The following C14orf93 variants were observed in gnomAD, a reference collection of about 807,000 sequenced individuals.
C14orf93 encodes uncharacterized protein C14orf93.
C14orf93 carries 23 observed loss-of-function variants against 44.0 expected under a neutral mutation model. The observed-to-expected ratio is 0.52, with a 90% CI of 0.38 to 0.74. The LOEUF is 0.74. Among genes scored for constraint, C14orf93 ranks in the 30% least tolerant of loss-of-function variants. C14orf93 has a pLI of 0.00. For synonymous variants in C14orf93, 253 were observed against 265.7 expected, an observed-to-expected ratio of 0.95 and a Z score of 0.46; for missense variants, 579 against 678.9, an observed-to-expected ratio of 0.85 and a Z score of 1.64.
intron 3 of C14orf93, among the ~76,000 whole-genome samples, chr14:22,995,478 G>A (rs771727579): frequency 6.6e-6 from 1 of 152,074 alleles, no homozygotes; most frequent in Non-Finnish European, 1.5e-5. Context: ...TCAGGAGTTC[G>A]AGACCAGCCT....
chr14:23,009,000 C>G (rs2046764898), intron 1 of C14orf93, among the ~76,000 whole-genome samples: 1 of 152,190 alleles, frequency 6.6e-6, no homozygotes, highest in African/African-American at 2.4e-5. Context: ...GAAAGAACTT[C>G]CCTTCTGAAC....
Position 22,998,452 on chromosome 14 carries a change from C to A in C14orf93, c.572G>T (p.Ser191Ile). The change falls in exon 2 of 7, where the codon AGC becomes ATC. Residue 191 changes from serine to isoleucine, a missense_variant. Ser to Ile is a moderately radical substitution (Grantham distance 142). Coordinates refer to ENST00000299088, the MANE Select transcript of C14orf93 (RefSeq NM_021944.4). ...AGGATTGAGCAGGGGGGCCGCCTCG[C>A]TGGCAGCCAGCGTGCACCCTGGGAG... ...MRLPGCTLAA[S>I]EAAPLLNPLV... 2 of 1,585,704 alleles carry A rather than the reference C, an allele frequency of 1.3e-6. No homozygotes were observed. Among genetic ancestry groups the A allele is most frequent in the South Asian group, 2.3e-5 (2 of 88,320 alleles).
At chr14:23,004,502 C>G (rs1322528359) in intron 1 of C14orf93, among the ~76,000 whole-genome samples, 1 of 152,044 alleles carries the variant, frequency 6.6e-6, no homozygotes, top group Non-Finnish European at 1.5e-5. Context: ...GATGACTCAC[C>G]AAAATGCATT....
At chr14:23,009,188 A>G (rs953071947) in intron 1 of C14orf93, among the ~76,000 whole-genome samples, 3 of 152,224 alleles carry the variant, frequency 2.0e-5, no homozygotes, top group Admixed American at 6.5e-5. Flanking sequence ...GCAATTATTT[A>G]ATTATTCATT....
intron 1 of C14orf93, among the ~76,000 whole-genome samples, chr14:23,000,714 CAAAAAAAAAAAA>C (rs758471653): frequency 5.4e-5 from 3 of 55,072 alleles, no homozygotes; most frequent in Admixed American, 4.2e-4. Flanking sequence ...GACTCCACCT[CAAAAAAAAAAAA>C]AAAAAAAAAA....
At chr14:23,007,640 TTCTC>T (rs1183981610) in intron 1 of C14orf93, among the ~76,000 whole-genome samples, 2 of 152,202 alleles carry the variant, frequency 1.3e-5, no homozygotes, top group African/African-American at 4.8e-5. Context: ...GTGCGAGGAA[TTCTC>T]TCCTTTCTTA....
chr14:22,993,801 G>C (rs1191636020), intron 3 of C14orf93: 1 of 152,208 alleles, frequency 6.6e-6, no homozygotes, highest in Non-Finnish European at 1.5e-5. Flanking sequence ...TGATCCTTTT[G>C]GTTCACAGGA....
At chr14:23,005,280 G>GC (rs2046569772) in intron 1 of C14orf93, 1 of 152,168 alleles carries the variant, frequency 6.6e-6, no homozygotes. Context: ...AAGGTTATAA[G>GC]CCTAAGAGTA....
intron 1 of C14orf93, among the ~76,000 whole-genome samples, chr14:23,002,018 G>A (rs1407709971): frequency 1.3e-5 from 2 of 150,736 alleles, no homozygotes; most frequent in African/African-American, 2.4e-5. Context: ...GCGTGGTGGC[G>A]GGCGACTGTA....
intron 5 of C14orf93, among the ~76,000 whole-genome samples, chr14:22,988,383 C>T (rs1029176975): frequency 4.6e-5 from 7 of 152,142 alleles, no homozygotes; most frequent in Non-Finnish European, 1.0e-4. Context: ...CCTTGGCCTC[C>T]CAAAGAGCTG....
At chr14:22,989,668 C>T in intron 5 of C14orf93, 74 bp downstream of exon 5, 12 of 1,094,352 alleles carry the variant, frequency 1.1e-5, no homozygotes, top group Non-Finnish European at 1.4e-5. Flanking sequence ...TTCCTCTTCT[C>T]CTCTGACCAA....
Position 22,986,448 on chromosome 14 carries a change from T to G in C14orf93, c.*767A>C, listed in dbSNP as rs2045231508. 6.6e-6 allele frequency: 1 copy of G among 152,302 alleles called. No individual in the cohort carries two copies. Among genetic ancestry groups the G allele is most frequent in the Non-Finnish European group, 1.5e-5 (1 of 68,134 alleles). The allele number at this position is 152,302 out of a possible 1,614,324, so 9.4% of individuals were successfully genotyped here. A position where few individuals can be genotyped will look rare whatever the true frequency, so the allele number is the denominator to read the frequency against. On this transcript the variant is annotated 3_prime_UTR_variant, in exon 7 of 7. Transcript: ENST00000299088. ...AAGACTGAATAAATGTAAAGCCATT[T>G]TTGCTTTTCAATCCATCCAAAATGC... is the stretch of plus-strand genomic sequence containing the variant.
intron 1 of C14orf93, among the ~76,000 whole-genome samples, chr14:23,007,391 C>T (rs1012646093): frequency 6.6e-6 from 1 of 152,234 alleles, no homozygotes; most frequent in Non-Finnish European, 1.5e-5. Flanking sequence ...CTGCTGCTCA[C>T]AAACCTGTGT....
At chr14:22,992,820 T>C (rs1424142745) in intron 3 of C14orf93, among the ~76,000 whole-genome samples, 1 of 151,752 alleles carries the variant, frequency 6.6e-6, no homozygotes, top group African/African-American at 2.4e-5. Context: ...CCTGACCTCG[T>C]GATCCACCCA....
At chr14:22,997,840 G>A (rs1594644179) in intron 2 of C14orf93, among the ~76,000 whole-genome samples, 1 of 151,426 alleles carries the variant, frequency 6.6e-6, no homozygotes, top group East Asian at 1.9e-4. Flanking sequence ...CTCTCCCGTG[G>A]TGTAGATTCT....
chr14:22,990,429 A>T (rs902314191), intron 3 of C14orf93, among the ~76,000 whole-genome samples: 1 of 152,080 alleles, frequency 6.6e-6, no homozygotes, highest in African/African-American at 2.4e-5. Context: ...AAGCAAGTAT[A>T]CACCAGGAGT....
chr14:23,003,840 T>C (rs1291003127), intron 1 of C14orf93, among the ~76,000 whole-genome samples: 1 of 118,950 alleles, frequency 8.4e-6, no homozygotes, highest in East Asian at 2.7e-4. Flanking sequence ...GGTGAGATAT[T>C]TTTAGGCTAA....
rs2046735395 is a variant in C14orf93, at chr14:23,008,270, C to T, written c.-380+1831G>A. The stretch of plus-strand genomic sequence containing the variant: ...CTGAAATTGTGGAATAATCCACAGT[C>T]GAGCCAGTATTTATTAAGCACTGGT... On this transcript the variant is annotated intron_variant, in intron 1 of 6. Transcript: ENST00000299088. 3.3e-5 allele frequency among the ~76,000 whole-genome samples: 5 copies of T among 151,702 alleles called. 1 individual carries two copies. In the South Asian group the frequency reaches 1.0e-3, roughly 32 times the overall value.
chr14:22,995,988 C>A lies in C14orf93; in HGVS notation c.878G>T (p.Gly293Val). The change falls in exon 3 of 7, where the codon GGG (glycine) becomes GTG (valine). Residue 293 changes from glycine to valine, a missense_variant. Coordinates refer to ENST00000299088, the MANE Select transcript of C14orf93 (RefSeq NM_021944.4). Reference protein sequence around the residue: ...TVSPCRTRGSGQKNSRRKRDL... With the variant: ...TVSPCRTRGSVQKNSRRKRDL... ...CCGCTTGCGCCTGGAGTTCTTCTGC[C>A]CACTTCCTCTGGTCCTGCATGGGGA... 1 of 1,609,292 alleles carries A rather than the reference C, an allele frequency of 6.2e-7. No homozygotes were observed. Among genetic ancestry groups the A allele is most frequent in the South Asian group, 1.1e-5 (1 of 90,750 alleles).
Sources: gnomAD v4.1 joint callset for allele counts (sites outside exome capture counted in the v4.1 genomes callset) on GRCh38, gnomAD v4.1.1 for gene constraint, MANE v1.5 for transcripts, NCBI Gene and HGNC (gene_info 2026-07-23, HGNC 2026-07-21) for gene names.